Variants in UBAP2 observed in about 807,000 individuals in gnomAD.
UBAP2 encodes the protein ubiquitin associated protein 2, also known as ubiquitin-associated protein 2.
UBAP2 carries 75 observed loss-of-function variants against 139.6 expected under a neutral mutation model. The observed-to-expected ratio is 0.54, with a 90% confidence interval of 0.45 to 0.65. The LOEUF is 0.65. Ranked by LOEUF, UBAP2 falls within the 30% of genes least tolerant of loss-of-function variation. The pLI is 0.00. For missense variants in UBAP2, 1,368 were observed against 1,369.6 expected, an observed-to-expected ratio of 1.00 and a Z score of 0.02; for synonymous variants, 526 against 526.2, an observed-to-expected ratio of 1.00 and a Z score of 0.01.
intron 22 of UBAP2, among the ~76,000 whole-genome samples, chr9:33,926,034 G>C (rs1421166357): frequency 6.6e-6 from 1 of 152,232 alleles, no homozygotes; most frequent in Non-Finnish European, 1.5e-5. Context: ...ACGGTCAGAA[G>C]AAAGAGGCAA....
Position 33,922,116 on chromosome 9 carries a change from C to A in UBAP2, c.*388G>T, listed in dbSNP as rs752602407. 3 of 198,696 alleles carry A rather than the reference C, an allele frequency of 1.5e-5. No homozygotes were observed. Among genetic ancestry groups the A allele is most frequent in the Non-Finnish European group, 3.0e-5 (3 of 98,556 alleles). The allele number at this position is 198,696 out of a possible 1,614,324, so 12.3% of individuals were successfully genotyped here. ...GTCGTGATTCTTCATTGGTACCTGA[C>A]CCCTATACCCAAACAGCCTTGAACC... On this transcript the variant is annotated 3_prime_UTR_variant, in exon 29 of 29. Coordinates refer to ENST00000379238, the MANE Select transcript of UBAP2 (RefSeq NM_001370062.2).
intron 8 of UBAP2, among the ~76,000 whole-genome samples, chr9:33,970,077 A>G (rs1827800963): frequency 1.3e-5 from 2 of 150,566 alleles, no homozygotes; most frequent in Admixed American, 6.6e-5. Context: ...CCACAGGCAT[A>G]TGATACTATG....
intron 2 of UBAP2, among the ~76,000 whole-genome samples, chr9:34,006,854 A>G (rs565168271): frequency 6.6e-6 from 1 of 152,344 alleles, no homozygotes; most frequent in South Asian, 2.1e-4. Flanking sequence ...CAGACAATCA[A>G]AACGACTAGA....
At chr9:33,935,274 A>G (rs997592848) in intron 17 of UBAP2, 2 of 152,420 alleles carry the variant, frequency 1.3e-5, no homozygotes. Flanking sequence ...TTCCTGAACA[A>G]GAATAGTAAA....
chr9:34,024,769 C>T (rs919969648), intron 1 of UBAP2, among the ~76,000 whole-genome samples: 15 of 152,020 alleles, frequency 9.9e-5, no homozygotes, highest in African/African-American at 3.1e-4. Flanking sequence ...GGATCACTTG[C>T]GGTCAGGAGT....
intron 11 of UBAP2, among the ~76,000 whole-genome samples, chr9:33,954,145 G>A (rs535920814): frequency 6.6e-6 from 1 of 152,080 alleles, no homozygotes; most frequent in Non-Finnish European, 1.5e-5. Flanking sequence ...GCTCTCAAGT[G>A]AGCTGCCTGC....
At chr9:34,006,681 CAA>C (rs796733793) in intron 2 of UBAP2, among the ~76,000 whole-genome samples, 1 of 139,840 alleles carries the variant, frequency 7.2e-6, no homozygotes, top group Admixed American at 7.2e-5. Flanking sequence ...GACCTTGTCT[CAA>C]AAAAAAAAAG....
intron 2 of UBAP2, among the ~76,000 whole-genome samples, chr9:34,014,102 A>G (rs10465025): frequency 0.6 from 90,915 of 151,254 alleles, 27,714 homozygotes; most frequent in East Asian, 0.82. Context: ...GGGGGGACAG[A>G]TCACTTGAGG....
intron 7 of UBAP2, among the ~76,000 whole-genome samples, chr9:33,972,256 A>T (rs758139546): frequency 6.6e-6 from 1 of 152,258 alleles, no homozygotes; most frequent in Non-Finnish European, 1.5e-5. Flanking sequence ...CACCCAGTTT[A>T]ATCGAATCAT....
intron 2 of UBAP2, 69 bp from the exon 3 acceptor site, chr9:33,998,933 CA>C: frequency 7.5e-7 from 1 of 1,324,618 alleles, no homozygotes; most frequent in South Asian, 1.2e-5. Context: ...AAATCTGGGT[CA>C]AACAGATAAG....
intron 1 of UBAP2, among the ~76,000 whole-genome samples, chr9:34,030,854 C>A (rs1260302635): frequency 6.6e-6 from 1 of 151,972 alleles, no homozygotes; most frequent in Non-Finnish European, 1.5e-5. Flanking sequence ...GGCATGAACC[C>A]AGGAGGCGGA....
chr9:34,029,088 AC>A (rs993027690), intron 1 of UBAP2, among the ~76,000 whole-genome samples: 13 of 152,068 alleles, frequency 8.5e-5, no homozygotes, highest in African/African-American at 3.1e-4. Flanking sequence ...CGCACTCCAG[AC>A]TGGGCAATAG....
At chr9:34,044,129 G>A (rs1340317036) in intron 1 of UBAP2, among the ~76,000 whole-genome samples, 2 of 148,278 alleles carry the variant, frequency 1.3e-5, no homozygotes, top group African/African-American at 5.0e-5. Context: ...CGGGCGCGGT[G>A]ACTCACGCCT....
At chr9:34,046,587 TGAGCCGAGATCAG>T in intron 1 of UBAP2, among the ~76,000 whole-genome samples, 1 of 139,710 alleles carries the variant, frequency 7.2e-6, no homozygotes, top group South Asian at 2.3e-4. Flanking sequence ...GAGCTTGCAG[TGAGCCGAGATCAG>T]GCCACTGCAC....
chr9:33,944,049 A>G (rs1825457788), intron 14 of UBAP2, among the ~76,000 whole-genome samples: 1 of 152,204 alleles, frequency 6.6e-6, no homozygotes, highest in African/African-American at 2.4e-5. Context: ...GGACTCACCA[A>G]TGATGAAAGT....
chr9:34,023,219 C>CAAAAAA (rs773859149), intron 1 of UBAP2, among the ~76,000 whole-genome samples: 1 of 95,242 alleles, frequency 1.0e-5, no homozygotes, highest in Admixed American at 1.2e-4. Context: ...AAGACTGTCT[C>CAAAAAA]AAAAAAAAAA....
At chr9:33,957,570 G>C (rs1826674837) in intron 10 of UBAP2, among the ~76,000 whole-genome samples, 1 of 152,140 alleles carries the variant, frequency 6.6e-6, no homozygotes, top group South Asian at 2.1e-4. Context: ...TATGCACACT[G>C]TTTTAACTCA....
At chr9:33,959,996 C>G (rs187382088) in intron 10 of UBAP2, among the ~76,000 whole-genome samples, 2 of 152,156 alleles carry the variant, frequency 1.3e-5, no homozygotes, top group African/African-American at 4.8e-5. Flanking sequence ...AGAGGGCGGT[C>G]GAATGATAAT....
At chr9:34,026,686 A>C (rs774122434) in intron 1 of UBAP2, among the ~76,000 whole-genome samples, 1 of 152,208 alleles carries the variant, frequency 6.6e-6, no homozygotes, top group Non-Finnish European at 1.5e-5. Context: ...TTATATGTAC[A>C]GTATTAAGTC....
Sources: gnomAD v4.1 joint callset for allele counts (sites outside exome capture counted in the v4.1 genomes callset) on GRCh38, gnomAD v4.1.1 for gene constraint, MANE v1.5 for transcripts, NCBI Gene and HGNC (gene_info 2026-07-23, HGNC 2026-07-21) for gene names.